Variants in ATL3 observed in about 807,000 individuals in gnomAD.
The protein encoded by ATL3 is atlastin GTPase 3, also known as atlastin-3.
ATL3 carries 49 observed loss-of-function variants against 69.5 expected under a neutral mutation model. The observed-to-expected ratio is 0.71, with a 90% CI of 0.56 to 0.89. The LOEUF (loss-of-function observed/expected upper bound fraction) is 0.89, where lower values mean the gene tolerates loss of function less well. ATL3 is among the 40% of genes least tolerant of loss of function. ATL3 has a pLI of 0.00. For missense variants in ATL3, 606 were observed against 645.7 expected, an observed-to-expected ratio of 0.94 and a Z score of 0.67; for synonymous variants, 214 against 224.1, an observed-to-expected ratio of 0.95 and a Z score of 0.40.
intron 8 of ATL3, 81 bp downstream of exon 8, chr11:63,643,276 C>G: frequency 7.2e-7 from 1 of 1,395,934 alleles, no homozygotes; most frequent in South Asian, 1.5e-5. Flanking sequence ...TTTTCTTAAG[C>G]ATTCACTTGA....
rs1275888221 is a variant in ATL3, at chr11:63,629,054, G to C, written c.*265C>G. On this transcript the variant is annotated 3_prime_UTR_variant, in exon 13 of 13. Coordinates refer to ENST00000398868, the MANE Select transcript of ATL3 (RefSeq NM_015459.5). ...TTCCTCTAGCTTCCTCCTCCATAAA[G>C]TGCACAAAGCAGAGTAATATGAAAA... 2.5e-6 allele frequency: 1 copy of C among 402,364 alleles called. No homozygotes were observed. Among genetic ancestry groups the C allele is most frequent in the Non-Finnish European group, 4.5e-6 (1 of 224,052 alleles). 24.9% of individuals were successfully genotyped at this position (402,364 alleles called of 1,614,324 possible).
In ATL3 at chr11:63,627,435, A is replaced by C. The variant is rs1418227586; in HGVS notation, c.*1884T>G. The C allele has an allele frequency of 6.6e-6, 1 of 152,238 alleles. No homozygotes were observed. The highest frequency in any genetic ancestry group is 1.5e-5 in the Non-Finnish European group (1 of 68,024). 9.4% of individuals were successfully genotyped at this position (152,238 alleles called of 1,614,324 possible). ...ATATGAAACAATATGCTGCGAATTT[A>C]GGACTTACAAAAATACTTCAGTGGT... is the stretch of plus-strand genomic sequence containing the variant. On this transcript the variant is annotated 3_prime_UTR_variant, in exon 13 of 13. Transcript: ENST00000398868.
rs531550544 is a variant in ATL3, at chr11:63,629,028, T to C, written c.*291A>G. The C allele has an allele frequency of 5.9e-5, 20 of 339,960 alleles. No individual in the cohort carries two copies. The East Asian group carries it at 8.6e-4, about 15-fold the overall frequency. The allele number at this position is 339,960 out of a possible 1,614,324, so 21.1% of individuals were successfully genotyped here. A position where few individuals can be genotyped will look rare whatever the true frequency, so the allele number is the denominator to read the frequency against. On this transcript the variant is annotated 3_prime_UTR_variant, in exon 13 of 13. Transcript: ENST00000398868. ...AGAACTTAAAAGCTGCATTTCCATT[T>C]TTCCTCTAGCTTCCTCCTCCATAAA...
In ATL3 at chr11:63,628,541, A is replaced by C. The variant is rs1217256121; in HGVS notation, c.*778T>G. On this transcript the variant is annotated 3_prime_UTR_variant, in exon 13 of 13. Coordinates refer to ENST00000398868, the MANE Select transcript of ATL3 (RefSeq NM_015459.5). ...AGTTCTGTAAACTTTTAAAAAAGGA[A>C]TCCTTCTTGGCCGGGCACGGTGGCT... The C allele has an allele frequency of 3.3e-5, 5 of 152,152 alleles. No individual in the cohort carries two copies. Among genetic ancestry groups the C allele is most frequent in the Admixed American group, 3.3e-4 (5 of 15,274 alleles). 9.4% of individuals were successfully genotyped at this position (152,152 alleles called of 1,614,324 possible).
chr11:63,655,427 A>T (rs973974841), intron 3 of ATL3, among the ~76,000 whole-genome samples: 1 of 148,886 alleles, frequency 6.7e-6, no homozygotes, highest in Non-Finnish European at 1.5e-5. Context: ...CTGGGAATAC[A>T]GGCGTGAGCC....
At chr11:63,667,600 G>C (rs1478022574) in intron 1 of ATL3, among the ~76,000 whole-genome samples, 3 of 151,852 alleles carry the variant, frequency 2.0e-5, no homozygotes, top group Non-Finnish European at 4.4e-5. Flanking sequence ...TGACTCTACT[G>C]AAAATTCAAA....
intron 6 of ATL3, 109 bp from the exon 7 acceptor site, chr11:63,644,370 A>AC: frequency 5.2e-6 from 3 of 577,352 alleles, no homozygotes; most frequent in Non-Finnish European, 3.0e-6. Flanking sequence ...GGGGTAAAGT[A>AC]GAAGGATTTA....
intron 11 of ATL3, chr11:63,632,434 A>G: frequency 1.2e-6 from 1 of 839,982 alleles, no homozygotes; most frequent in Non-Finnish European, 2.1e-6. Flanking sequence ...TGTGATTGCA[A>G]AAAGCCCAAG....
At position 63,626,033 on chromosome 11, in the gene ATL3, G is replaced by A. The variant is rs1037179248; in HGVS notation, c.*3286C>T. 3 of 151,800 alleles carry A rather than the reference G, an allele frequency of 2.0e-5. No homozygotes were observed. The highest frequency in any genetic ancestry group is 7.3e-5 in the African/African-American group (3 of 41,316). 9.4% of individuals were successfully genotyped at this position (151,800 alleles called of 1,614,324 possible). ...ACAGGCAATTTTACCAAGTATAAAA[G>A]AGGTGTTAAAACGTAAACTTCCATA... On this transcript the variant is annotated 3_prime_UTR_variant, in exon 13 of 13. Coordinates refer to ENST00000398868, the MANE Select transcript of ATL3 (RefSeq NM_015459.5).
At chr11:63,653,673 C>G (rs2134510587) in intron 3 of ATL3, among the ~76,000 whole-genome samples, 1 of 152,270 alleles carries the variant, frequency 6.6e-6, no homozygotes, top group Middle Eastern at 3.4e-3. Context: ...AAGAAATGAA[C>G]TATCAAGACA....
chr11:63,651,959 C>G lies in ATL3; in HGVS notation c.538G>C (p.Glu180Gln). ...ACCTGCAGCTGTTGAAGATCATCTT[C>G]TTGAATGTTCTGAGATAAATTATAA... ...QIYNLSQNIQ[E>Q]DDLQQLQLFT... The change falls in exon 5 of 13, where the codon GAA becomes CAA. Residue 180 changes from glutamate to glutamine, a missense_variant. Coordinates refer to ENST00000398868, the MANE Select transcript of ATL3 (RefSeq NM_015459.5). 6.2e-7 allele frequency: 1 copy of G among 1,601,644 alleles called. No homozygotes were observed. Among genetic ancestry groups the G allele is most frequent in the Middle Eastern group, 1.8e-4 (1 of 5,542 alleles).
At position 63,629,193 on chromosome 11, in the gene ATL3, A is replaced by G. The variant is rs112817339; in HGVS notation, c.*126T>C. ...AGGTCTGCTCATTTATTACAGGGCC[A>G]TGTTTTAGCTCTTCCTGGATCGTCT... On this transcript the variant is annotated 3_prime_UTR_variant, in exon 13 of 13. Coordinates refer to ENST00000398868, the MANE Select transcript of ATL3 (RefSeq NM_015459.5). 3,137 of 695,984 alleles carry G rather than the reference A, an allele frequency of 4.5e-3. 76 individuals are homozygous for G. The African/African-American group carries it at 0.049, about 11-fold the overall frequency. 43.1% of individuals were successfully genotyped at this position (695,984 alleles called of 1,614,324 possible).
At position 63,647,381 on chromosome 11, in the gene ATL3, C is replaced by A. The variant is rs1012639943; in HGVS notation, c.562-818G>T. ...GCTAATTTTGTATTTTTAGTAGAGA[C>A]GGGGTTTCTCCATGTTGGTCAGGCT... On this transcript the variant is annotated intron_variant, in intron 5 of 12. Coordinates refer to ENST00000398868, the MANE Select transcript of ATL3 (RefSeq NM_015459.5). Among the ~76,000 whole-genome samples the A allele has an allele frequency of 1.3e-4, 20 of 152,040 alleles. 3 individuals are homozygous for A. Among genetic ancestry groups the A allele is most frequent in the Admixed American group, 1.2e-3 (19 of 15,272 alleles).
chr11:63,632,755 C>G, intron 11 of ATL3: 1 of 1,003,654 alleles, frequency 1.0e-6, no homozygotes, highest in Non-Finnish European at 1.6e-6. Context: ...TGATTATTGT[C>G]TCCTGCTCAT....
chr11:63,636,504 C>A (rs905995352), intron 8 of ATL3, among the ~76,000 whole-genome samples, 170 bp from the exon 9 acceptor site: 1 of 152,090 alleles, frequency 6.6e-6, no homozygotes, highest in African/African-American at 2.4e-5. Context: ...TTTGGGAGGC[C>A]GAGGCAGGTG....
rs538162479 is a variant in ATL3 at position 63,627,292 on chromosome 11, GT to G, written c.*2026del. The G allele has an allele frequency of 3.3e-5, 5 of 152,314 alleles. No homozygotes were observed. The East Asian group carries it at 9.6e-4, about 29-fold the overall frequency. The allele number at this position is 152,314 out of a possible 1,614,324, so 9.4% of individuals were successfully genotyped here. A position where few individuals can be genotyped will look rare whatever the true frequency, so the allele number is the denominator to read the frequency against. ...CAACATTTCAGAAGCAAGCTTTCAA[GT>G]TAACAGTCAAAGCTTGGTTGGCATC... On this transcript the variant is annotated 3_prime_UTR_variant, in exon 13 of 13. Coordinates refer to ENST00000398868, the MANE Select transcript of ATL3 (RefSeq NM_015459.5).
intron 12 of ATL3, among the ~76,000 whole-genome samples, chr11:63,630,573 G>A (rs904713797): frequency 4.0e-5 from 6 of 151,874 alleles, no homozygotes; most frequent in South Asian, 2.1e-4. Flanking sequence ...CGAGGCAGGC[G>A]GACCATGAGG....
intron 3 of ATL3, among the ~76,000 whole-genome samples, chr11:63,656,653 G>C (rs1940259551): frequency 6.6e-6 from 1 of 150,834 alleles, no homozygotes; most frequent in Non-Finnish European, 1.5e-5. Flanking sequence ...AGAATTGCTT[G>C]AACCCGGGAG....
Position 63,624,704 on chromosome 11 carries a change from A to G in ATL3, c.*4615T>C, listed in dbSNP as rs1047248794. 20 of 152,214 alleles carry G rather than the reference A, an allele frequency of 1.3e-4. No homozygotes were observed. The highest frequency in any genetic ancestry group is 1.8e-4 in the Non-Finnish European group (12 of 68,034). The allele number at this position is 152,214 out of a possible 1,614,324, so 9.4% of individuals were successfully genotyped here. A position where few individuals can be genotyped will look rare whatever the true frequency, so the allele number is the denominator to read the frequency against. On this transcript the variant is annotated 3_prime_UTR_variant, in exon 13 of 13. Transcript: ENST00000398868. The stretch of plus-strand genomic sequence containing the variant: ...TAGAAAATAGGATACCTGTACATTC[A>G]TTTTTCAGAGAAGGCACTATGACAA...
Sources: gnomAD v4.1 joint callset for allele counts (sites outside exome capture counted in the v4.1 genomes callset) on GRCh38, gnomAD v4.1.1 for gene constraint, MANE v1.5 for transcripts, NCBI Gene and HGNC (gene_info 2026-07-23, HGNC 2026-07-21) for gene names.